CROCC: variants seen among roughly 807,000 people sequenced by gnomAD.
The protein encoded by CROCC is ciliary rootlet coiled-coil, rootletin, also known as rootletin.
A neutral mutation model predicts 245.2 loss-of-function variants in CROCC; 180 were observed. The ratio of observed to expected loss-of-function variants is 0.73; its 90% CI spans 0.65 to 0.83. The LOEUF (loss-of-function observed/expected upper bound fraction) is 0.83. Ranked by LOEUF, CROCC falls within the 40% of genes least tolerant of loss-of-function variation. The pLI is 0.00. For synonymous variants in CROCC, 1,205 were observed against 1,241.6 expected, an observed-to-expected ratio of 0.97 and a Z score of 0.62; for missense variants, 2,688 against 2,779.4, an observed-to-expected ratio of 0.97 and a Z score of 0.74.
intron 31 of CROCC, 44 bp downstream of exon 31, chr1:16,968,462 G>A: frequency 3.5e-6 from 5 of 1,445,514 alleles, no homozygotes; most frequent in South Asian, 3.0e-5. Context: ...CACATGCCCT[G>A]TGCCAAGAGC....
In CROCC at chr1:16,948,362, A is replaced by C. The variant is rs1190035934; in HGVS notation, c.2546A>C (p.Glu849Ala). ...CGGCAGCTGAGCGGGCGGGAGCAGG[A>C]GCTGGAGCAGGCCCGGCGGGAGGCC... ...LSRQLSGREQ[E>A]LEQARREAQR... is the part of the protein sequence containing the mutation. The change falls in exon 18 of 37, where the codon GAG becomes GCG. Residue 849 changes from glutamate (E) to alanine (A), a missense_variant. Coordinates refer to ENST00000375541, the MANE Select transcript of CROCC (RefSeq NM_014675.5). The C allele has an allele frequency of 6.3e-7, 1 of 1,580,284 alleles. No individual in the cohort carries two copies. Among genetic ancestry groups the C allele is most frequent in the African/African-American group, 1.3e-5 (1 of 74,654 alleles).
intron 35 of CROCC, chr1:16,971,087 ATG>A (rs1238637136): frequency 1.6e-5 from 7 of 440,100 alleles, no homozygotes; most frequent in Non-Finnish European, 2.8e-5. Context: ...TATTATGAAT[ATG>A]TGTTTGTGTA....
rs112147212 is a variant in CROCC, at chr1:16,963,857, G to A, written c.4406-1866G>A. ...ATTGCCTATGCTGGAGTGCAATGGC[G>A]CGATCTCGACTCACTGCAACCTCCG... On this transcript the variant is annotated intron_variant, in intron 27 of 36. Transcript: ENST00000375541. 6.1e-3 allele frequency among the ~76,000 whole-genome samples: 932 copies of A among 151,994 alleles called. 3 individuals carry two copies. Among genetic ancestry groups the A allele is most frequent in the Non-Finnish European group, 9.5e-3 (645 of 67,986 alleles).
At chr1:16,956,220 C>A (rs753645671) in intron 25 of CROCC, 64 bp downstream of exon 25, 2 of 1,438,338 alleles carry the variant, frequency 1.4e-6, no homozygotes, top group Non-Finnish European at 1.8e-6. Flanking sequence ...ATAGCTCCCC[C>A]TTTCTGGAAT....
chr1:16,967,128 C>T (rs2076431317), intron 30 of CROCC, among the ~76,000 whole-genome samples: 1 of 152,156 alleles, frequency 6.6e-6, no homozygotes, highest in Non-Finnish European at 1.5e-5. Flanking sequence ...GCCTGGTTTT[C>T]ATTTTCCTAA....
Position 16,948,428 on chromosome 1 carries a change from A to C in CROCC, c.2612A>C (p.Lys871Thr). Residue 871 changes from lysine (K) to threonine (T), a missense_variant, in exon 18 of 37, where the codon AAG (lysine) becomes ACG (threonine). Lys to Thr is a moderately conservative substitution (Grantham distance 78). This residue lies in a region of CROCC where 295 missense variants were observed against 241.7 expected (regional missense o/e 1.22). Coordinates refer to ENST00000375541, the MANE Select transcript of CROCC (RefSeq NM_014675.5). ...VEALERAARE[K>T]EALAKEHAGL... ...GCGCTGGAGCGAGCGGCCCGTGAGA[A>C]GGAGGCGCTAGCCAAGGAGCACGCT... 6.4e-7 allele frequency: 1 copy of C among 1,569,598 alleles called. No homozygotes were observed. The highest frequency in any genetic ancestry group is 8.6e-7 in the Non-Finnish European group (1 of 1,159,220).
chr1:16,924,334 C>A lies in CROCC; in HGVS notation c.206C>A (p.Pro69Gln). The change falls in exon 3 of 37, where the codon CCG becomes CAG. Residue 69 changes from proline (P) to glutamine (Q), a missense_variant. Pro to Gln is a moderately conservative substitution (Grantham distance 76). Transcript: ENST00000375541. Reference protein sequence around the residue: ...LSQPESPVLLPATEMASLLSL... With the variant: ...LSQPESPVLLQATEMASLLSL... Reference sequence around the variant, plus strand: ...CACTGTCCCTTGCCAGTCCTGCTGCCGGCCACAGAGATGGCATCGCTGCTG... The same window carrying A: ...CACTGTCCCTTGCCAGTCCTGCTGCAGGCCACAGAGATGGCATCGCTGCTG... The A allele has an allele frequency of 6.2e-7, 1 of 1,612,448 alleles. No individual in the cohort carries two copies. Among genetic ancestry groups the A allele is most frequent in the South Asian group, 1.1e-5 (1 of 90,992 alleles).
At position 16,972,481 on chromosome 1, in the gene CROCC, T is replaced by C. The variant is rs1182675784; in HGVS notation, c.*35T>C. Reference sequence around the variant, plus strand: ...GGCATCTGGAGAACACCCCTGTGCCTGGGACAGGGGAGGACCCTTCTTTTG... The same window carrying C: ...GGCATCTGGAGAACACCCCTGTGCCCGGGACAGGGGAGGACCCTTCTTTTG... On this transcript the variant is annotated 3_prime_UTR_variant, in exon 37 of 37. Coordinates refer to ENST00000375541, the MANE Select transcript of CROCC (RefSeq NM_014675.5). 4.7e-6 allele frequency: 7 copies of C among 1,491,490 alleles called. No individual in the cohort carries two copies. The highest frequency in any genetic ancestry group is 1.8e-5 in the Admixed American group (1 of 57,036). 92.4% of individuals were successfully genotyped at this position (1,491,490 alleles called of 1,614,324 possible). A position where few individuals can be genotyped will look rare whatever the true frequency, so the allele number is the denominator to read the frequency against.
At chr1:16,914,157 C>T (rs1215732005) in intron 1 of CROCC, among the ~76,000 whole-genome samples, 2 of 151,264 alleles carry the variant, frequency 1.3e-5, no homozygotes, top group African/African-American at 4.8e-5. Context: ...CGGGGGCGCG[C>T]GCGTGCGCGG....
intron 16 of CROCC, 77 bp downstream of exon 16, chr1:16,946,482 C>G: frequency 6.5e-7 from 1 of 1,546,828 alleles, no homozygotes; most frequent in East Asian, 2.2e-5. Flanking sequence ...GGGCCCAGCC[C>G]TGTACCTGTC....
At chr1:16,942,018 T>TC (rs536651156) in intron 13 of CROCC, among the ~76,000 whole-genome samples, 204 of 152,280 alleles carry the variant, frequency 1.3e-3, no homozygotes, top group Admixed American at 3.4e-3. Flanking sequence ...ATTTTTTTTT[T>TC]CTCTTAATTT....
In CROCC at chr1:16,947,011, G is replaced by C; in HGVS notation, c.2514+20G>C. The C allele has an allele frequency of 6.5e-7, 1 of 1,539,638 alleles. No individual in the cohort carries two copies. Among genetic ancestry groups the C allele is most frequent in the Non-Finnish European group, 8.8e-7 (1 of 1,140,638 alleles). On this transcript the variant is annotated intron_variant, in intron 17 of 36. Coordinates refer to ENST00000375541, the MANE Select transcript of CROCC (RefSeq NM_014675.5). ...GCGCAGGTGGGCAAAGCTGTGTGTG[G>C]GGGTGGTGTGGAGAGCATGTGGGGC...
chr1:16,924,500 G>T (rs1327738690), intron 3 of CROCC, 21 bp downstream of exon 3: 1 of 1,606,266 alleles, frequency 6.2e-7, no homozygotes, highest in Admixed American at 1.7e-5. Flanking sequence ...CCCAGGTGGT[G>T]GACTAGGCCA....
intron 3 of CROCC, among the ~76,000 whole-genome samples, chr1:16,929,154 G>A (rs1186225609): frequency 1.3e-5 from 2 of 152,270 alleles, no homozygotes; most frequent in African/African-American, 4.8e-5. Flanking sequence ...TGCAGGCGCC[G>A]TATAGGGCAA....
At chr1:16,916,183 C>CAAAAAAAAA (rs58710425) in intron 1 of CROCC, among the ~76,000 whole-genome samples, 6 of 107,964 alleles carry the variant, frequency 5.6e-5, no homozygotes, top group South Asian at 3.1e-4. Flanking sequence ...GACTCTGCCT[C>CAAAAAAAAA]AAAAAAAAAG....
intron 3 of CROCC, 75 bp downstream of exon 3, chr1:16,924,554 C>A: frequency 6.4e-7 from 1 of 1,553,992 alleles, no homozygotes; most frequent in African/African-American, 1.3e-5. Context: ...AGACCAGGCC[C>A]ACACACGGGG....
intron 3 of CROCC, among the ~76,000 whole-genome samples, chr1:16,927,039 G>C (rs1266686854): frequency 6.6e-6 from 1 of 152,250 alleles, no homozygotes; most frequent in Non-Finnish European, 1.5e-5. Context: ...CTGTGTCCCA[G>C]AGGCAAACAG....
Position 16,938,464 on chromosome 1 carries a change from C to G in CROCC, c.1355C>G (p.Thr452Ser), listed in dbSNP as rs752283593. 4.1e-5 allele frequency: 65 copies of G among 1,577,988 alleles called. No individual in the cohort carries two copies. The Middle Eastern group carries it at 8.5e-4, about 21-fold the overall frequency. ...GAGGATGGAGAGGGGCTACAGCAGA[C>G]CCTAAGGGACCTGGCACAGGTGTGA... Reference protein sequence around the residue: ...ETEDGEGLQQTLRDLAQAVLS... With the variant: ...ETEDGEGLQQSLRDLAQAVLS... Residue 452 changes from threonine (T) to serine (S), a missense_variant, in exon 11 of 37, where the codon ACC (threonine) becomes AGC (serine). By Grantham distance (58) the Thr-to-Ser change is moderately conservative. Coordinates refer to ENST00000375541, the MANE Select transcript of CROCC (RefSeq NM_014675.5).
chr1:16,923,912 C>G (rs553412127), intron 2 of CROCC, among the ~76,000 whole-genome samples: 3 of 152,382 alleles, frequency 2.0e-5, no homozygotes, highest in South Asian at 2.1e-4. Flanking sequence ...AACTCCTGAC[C>G]TCAGGTGATC....
Sources: gnomAD v4.1 joint callset for allele counts (sites outside exome capture counted in the v4.1 genomes callset) on GRCh38, gnomAD v4.1.1 for gene constraint, gnomAD v4.1.1 regional missense constraint, MANE v1.5 for transcripts, NCBI Gene and HGNC (gene_info 2026-07-23, HGNC 2026-07-21) for gene names.